Variants in TWIST2 observed in about 807,000 individuals in gnomAD.
TWIST2 encodes the protein twist-related protein 2.
A neutral mutation model predicts 11.6 loss-of-function variants in TWIST2; 1 was observed. That is an observed-to-expected ratio of 0.09 (90% CI 0.03 to 0.41). TWIST2 has a LOEUF of 0.41. Ranked by LOEUF, TWIST2 falls within the 10% of genes least tolerant of loss-of-function variation. TWIST2 has a pLI of 0.98. For missense variants in TWIST2, 168 were observed against 226.4 expected, an observed-to-expected ratio of 0.74 and a Z score of 1.66; for synonymous variants, 87 against 96.6, an observed-to-expected ratio of 0.90 and a Z score of 0.58.
At chr2:238,878,505 G>A (rs1692846506) in intron 1 of TWIST2, among the ~76,000 whole-genome samples, 1 of 152,290 alleles carries the variant, frequency 6.6e-6, no homozygotes, top group South Asian at 2.1e-4. Context: ...GACCCATTCG[G>A]CATCCCAGGT....
intron 1 of TWIST2, among the ~76,000 whole-genome samples, chr2:238,878,832 C>G (rs1236919121): frequency 6.6e-6 from 1 of 152,188 alleles, no homozygotes; most frequent in Non-Finnish European, 1.5e-5. Flanking sequence ...GCTGGAAACT[C>G]AGTGTGTTCT....
chr2:238,893,628 C>G (rs1285267087), intron 1 of TWIST2, among the ~76,000 whole-genome samples: 1 of 152,202 alleles, frequency 6.6e-6, no homozygotes, highest in Non-Finnish European at 1.5e-5. Context: ...GGCTCAGAAC[C>G]TGGAACACGG....
At chr2:238,894,806 C>T (rs1308113270) in intron 1 of TWIST2, among the ~76,000 whole-genome samples, 1 of 152,180 alleles carries the variant, frequency 6.6e-6, no homozygotes, top group African/African-American at 2.4e-5. Flanking sequence ...GACGAGCTCT[C>T]CAAACCCTCA....
chr2:238,887,665 T>C (rs35696702), intron 1 of TWIST2, among the ~76,000 whole-genome samples: 120,496 of 152,026 alleles, frequency 0.79, 48,132 homozygotes, highest in African/African-American at 0.9. Context: ...GAAGCCTCGG[T>C]GCAGCTTCCA....
chr2:238,876,586 G>T (rs1311866451), intron 1 of TWIST2, among the ~76,000 whole-genome samples: 1 of 152,148 alleles, frequency 6.6e-6, no homozygotes, highest in Admixed American at 6.5e-5. Flanking sequence ...AACCTGTCAG[G>T]GATAGGAGAA....
At chr2:238,873,933 C>T (rs763341584) in intron 1 of TWIST2, among the ~76,000 whole-genome samples, 1 of 152,190 alleles carries the variant, frequency 6.6e-6, no homozygotes, top group Non-Finnish European at 1.5e-5. Context: ...CAGCTCGAAA[C>T]TGGGTTGGTG....
At chr2:238,865,205 A>G (rs1692510221) in intron 1 of TWIST2, among the ~76,000 whole-genome samples, 1 of 152,190 alleles carries the variant, frequency 6.6e-6, no homozygotes, top group African/African-American at 2.4e-5. Context: ...GAGAGCATAG[A>G]CAGAGCTGTG....
intron 1 of TWIST2, among the ~76,000 whole-genome samples, chr2:238,908,058 G>A (rs1417549986): frequency 8.4e-6 from 1 of 119,588 alleles, no homozygotes; most frequent in Non-Finnish European, 1.7e-5. Flanking sequence ...CACACACAAA[G>A]TCACGCCACA....
At chr2:238,854,936 G>A (rs930277143) in intron 1 of TWIST2, among the ~76,000 whole-genome samples, 1 of 152,208 alleles carries the variant, frequency 6.6e-6, no homozygotes, top group Non-Finnish European at 1.5e-5. Flanking sequence ...TACAAGTACC[G>A]TTTCCTTTCC....
In TWIST2 at chr2:238,852,652, A is replaced by AAC. The variant is rs898762111; in HGVS notation, c.*35+3934_*35+3935dup. On this transcript the variant is annotated intron_variant, in intron 1 of 1. Coordinates refer to ENST00000612363, the MANE Select transcript of TWIST2 (RefSeq NM_001271893.4). ...CACGTGATAAAATTGCATAGCACTAAACACACACACACACACGCACATGCA... is the reference window on the plus strand; with the variant it reads ...CACGTGATAAAATTGCATAGCACTAAACACACACACACACACACGCACATGCA... 5.5e-5 allele frequency among the ~76,000 whole-genome samples: 5 copies of AAC among 90,440 alleles called. 1 individual carries two copies. Among genetic ancestry groups the AAC allele is most frequent in the East Asian group, 2.4e-4 (1 of 4,126 alleles). 59.3% of individuals were successfully genotyped at this position (90,440 alleles called of 152,430 possible).
intron 1 of TWIST2, among the ~76,000 whole-genome samples, chr2:238,868,891 T>C (rs1692594791): frequency 6.6e-6 from 1 of 152,324 alleles, no homozygotes; most frequent in East Asian, 1.9e-4. Context: ...GGTCCAGTGA[T>C]GGAGGTGGCA....
rs932524759 is a variant in TWIST2, at chr2:238,867,228, G to A, written c.*35+18495G>A. Among the ~76,000 whole-genome samples the A allele has an allele frequency of 2.0e-5, 3 of 152,092 alleles. No individual in the cohort carries two copies. Among genetic ancestry groups the A allele is most frequent in the Non-Finnish European group, 2.9e-5 (2 of 68,030 alleles). ...GAATTTCTTCTGCAGAAGAGAAGGG[G>A]TAGAGGTGGAGAAAGAGGGAGAGGG... On this transcript the variant is annotated intron_variant, in intron 1 of 1. Transcript: ENST00000612363. This position sits in a 1 kb window ranked among gnomAD's most constrained non-coding sequence, Gnocchi z 4.8.
chr2:238,879,603 C>T (rs1692869263), intron 1 of TWIST2, among the ~76,000 whole-genome samples: 1 of 152,216 alleles, frequency 6.6e-6, no homozygotes, highest in African/African-American at 2.4e-5. Context: ...AAGGCATGCG[C>T]TGCAAATCAC....
intron 1 of TWIST2, among the ~76,000 whole-genome samples, chr2:238,888,056 A>G (rs933665257): frequency 6.6e-6 from 1 of 152,258 alleles, no homozygotes; most frequent in African/African-American, 2.4e-5. Flanking sequence ...CAGTTCCGAA[A>G]GACACTTTTC....
At chr2:238,880,120 A>T (rs1446127486) in intron 1 of TWIST2, among the ~76,000 whole-genome samples, 1 of 147,044 alleles carries the variant, frequency 6.8e-6, no homozygotes, top group East Asian at 2.1e-4. Context: ...TACTCGTGCT[A>T]GCGTTAGTAT....
rs764040653 is a variant in TWIST2 at position 238,867,035 on chromosome 2, TA to T, written c.*35+18303del. 4.6e-5 allele frequency among the ~76,000 whole-genome samples: 7 copies of T among 152,196 alleles called. No individual in the cohort carries two copies. Among genetic ancestry groups the T allele is most frequent in the Non-Finnish European group, 8.8e-5 (6 of 68,048 alleles). ...GCATGTTTTCTGTGCATCTGTGATT[TA>T]CAATTCCCTGGCTGCCTTCCAAGCA... On this transcript the variant is annotated intron_variant, in intron 1 of 1. Transcript: ENST00000612363. This position sits in a 1 kb window ranked among gnomAD's most constrained non-coding sequence, Gnocchi z 4.8.
At chr2:238,856,880 G>T (rs1354841899) in intron 1 of TWIST2, among the ~76,000 whole-genome samples, 1 of 152,334 alleles carries the variant, frequency 6.6e-6, no homozygotes, top group South Asian at 2.1e-4. Flanking sequence ...GGCCGCTGCA[G>T]ACACAGTCAC....
At chr2:238,903,202 G>GGTGT (rs1193582278) in intron 1 of TWIST2, among the ~76,000 whole-genome samples, 10,620 of 145,678 alleles carry the variant, frequency 0.073, 500 homozygotes, top group East Asian at 0.15. Flanking sequence ...TGTGATGTGG[G>GGTGT]GTATGTGATG....
chr2:238,909,151 T>G (rs1693410162), intron 1 of TWIST2, among the ~76,000 whole-genome samples: 1 of 5,448 alleles, frequency 1.8e-4, no homozygotes, highest in African/African-American at 9.6e-4. Flanking sequence ...GGTATGTGTA[T>G]GTGGTGTGTA....
Sources: gnomAD v4.1 joint callset for allele counts (sites outside exome capture counted in the v4.1 genomes callset) on GRCh38, gnomAD v4.1.1 for gene constraint, Gnocchi (gnomAD v3.1) non-coding constraint, MANE v1.5 for transcripts, NCBI Gene and HGNC (gene_info 2026-07-23, HGNC 2026-07-21) for gene names.